Variants in FBXO34 observed in about 807,000 individuals in gnomAD.
The protein encoded by FBXO34 is F-box only protein 34.
Under a neutral mutation model 24.5 loss-of-function variants are expected in FBXO34, and 12 were observed. The observed-to-expected ratio is 0.49, with a 90% CI of 0.31 to 0.79. The LOEUF (loss-of-function observed/expected upper bound fraction) is 0.79. Among genes scored for constraint, FBXO34 ranks in the 30% least tolerant of loss-of-function variants. The probability of loss-of-function intolerance (pLI) is 0.04; values close to 1 mark genes in which losing one functional copy is unlikely to be tolerated. For synonymous variants in FBXO34, 320 were observed against 311.9 expected (o/e 1.03, Z -0.27); for missense variants, 823 against 857.7 (o/e 0.96, Z 0.51).
At chr14:55,427,229 A>G in the FBXO34 span, among the ~76,000 whole-genome samples, 1 of 149,304 alleles carries the variant, frequency 6.7e-6, no homozygotes, top group Non-Finnish European at 1.5e-5. Context: ...AGGACTTTAT[A>G]GGGAGCTCAG....
chr14:55,432,150 G>A, the FBXO34 span, among the ~76,000 whole-genome samples: 11 of 151,628 alleles, frequency 7.3e-5, no homozygotes, highest in Non-Finnish European at 1.5e-4. Flanking sequence ...GCTCACGCCT[G>A]TAATCCCAGC....
At chr14:55,437,408 G>T in the FBXO34 span, among the ~76,000 whole-genome samples, 2 of 152,270 alleles carry the variant, frequency 1.3e-5, no homozygotes, top group Non-Finnish European at 2.9e-5. Flanking sequence ...AACCTGGGAG[G>T]CAGAGGTTGC....
chr14:55,306,334 C>T (rs1221687213), intron 1 of FBXO34, among the ~76,000 whole-genome samples: 1 of 152,212 alleles, frequency 6.6e-6, no homozygotes, highest in East Asian at 1.9e-4. Context: ...TTGTTGGCTT[C>T]ATTCAGTTTG....
downstream of FBXO34, chr14:55,369,995 C>T (rs992964691): frequency 7.1e-5 from 104 of 1,461,284 alleles, no homozygotes; most frequent in Non-Finnish European, 9.1e-5. Context: ...TGCCATCTTC[C>T]TGAAGGCCCT....
chr14:55,294,064 A>G (rs1467082828), intron 1 of FBXO34, among the ~76,000 whole-genome samples: 1 of 152,156 alleles, frequency 6.6e-6, no homozygotes, highest in Non-Finnish European at 1.5e-5. Context: ...TTTCTCATCT[A>G]TCACCTTCTT....
At chr14:55,387,769 A>G in the FBXO34 span, among the ~76,000 whole-genome samples, 2 of 151,918 alleles carry the variant, frequency 1.3e-5, no homozygotes, top group Admixed American at 6.6e-5. Flanking sequence ...CCCGGGTTCA[A>G]TTGATTCTCC....
Position 55,351,498 on chromosome 14 carries a change from T to C in FBXO34, c.1108T>C (p.Ser370Pro). The C allele has an allele frequency of 6.2e-7, 1 of 1,614,106 alleles. No homozygotes were observed. The highest frequency in any genetic ancestry group is 1.3e-5 in the African/African-American group (1 of 75,000). The part of the protein sequence containing the change: ...PKEDQAWDGA[S>P]QDCPPLPAGV... ...GGAGGACCAGGCCTGGGACGGTGCT[T>C]CTCAGGACTGCCCCCCATTGCCAGC... The change falls in exon 2 of 2, where the codon TCT (serine) becomes CCT (proline). Residue 370 changes from serine (S) to proline (P), a missense_variant. This residue lies in a region of FBXO34 where 693 missense variants were observed against 659.1 expected (regional missense o/e 1.05). Transcript: ENST00000313833.
At position 55,350,418 on chromosome 14, in the gene FBXO34, C is replaced by T. The variant is rs770886039; in HGVS notation, c.28C>T (p.Gln10Ter). Reference sequence around the variant, plus strand: ...GCACCTAAAGCCATATTGGAAGCTCCAGAAGAAAGAGCACCCCCCGGAAGT... The same window carrying T: ...GCACCTAAAGCCATATTGGAAGCTCTAGAAGAAAGAGCACCCCCCGGAAGT... The part of the protein sequence containing the change: MHLKPYWKL[Q>*]KKEHPPEVSR... Residue 10 changes from glutamine (Q) to a stop codon, truncating the protein, a stop_gained, in exon 2 of 2, where the codon CAG (glutamine) becomes TAG (stop). Transcript: ENST00000313833. LOFTEE classifies it low-confidence loss of function (END_TRUNC). The T allele has an allele frequency of 5.0e-6, 8 of 1,594,392 alleles. No homozygotes were observed. In the South Asian group the frequency reaches 7.9e-5, roughly 16 times the overall value.
the FBXO34 span, among the ~76,000 whole-genome samples, chr14:55,427,495 C>A: frequency 6.6e-6 from 1 of 152,120 alleles, no homozygotes; most frequent in African/African-American, 2.4e-5. Flanking sequence ...ACTCTATTGA[C>A]GGGATAATCA....
At chr14:55,440,477 G>C in the FBXO34 span, 77 of 1,612,630 alleles carry the variant, frequency 4.8e-5, no homozygotes, top group Admixed American at 2.3e-4. Flanking sequence ...TTGGGGGTGG[G>C]GGCGGGTAAG....
chr14:55,345,214 C>G (rs751604609), intron 1 of FBXO34, among the ~76,000 whole-genome samples: 5 of 152,158 alleles, frequency 3.3e-5, no homozygotes, highest in Non-Finnish European at 7.4e-5. Flanking sequence ...CATCACTCTT[C>G]ATGTAGTTGC....
chr14:55,385,288 G>GGT, the FBXO34 span, among the ~76,000 whole-genome samples: 1 of 151,926 alleles, frequency 6.6e-6, no homozygotes, highest in Non-Finnish European at 1.5e-5. Context: ...ATGGTTCTCT[G>GGT]GTTTTTTTTT....
chr14:55,434,271 TG>T, the FBXO34 span, among the ~76,000 whole-genome samples: 1 of 152,192 alleles, frequency 6.6e-6, no homozygotes, highest in Admixed American at 6.5e-5. Context: ...TCAAGGTTCT[TG>T]CCTCTTATAG....
the FBXO34 span, among the ~76,000 whole-genome samples, chr14:55,385,289 GTTTTT>G: frequency 6.6e-6 from 1 of 151,212 alleles, no homozygotes; most frequent in Admixed American, 6.6e-5. Context: ...TGGTTCTCTG[GTTTTT>G]TTTTGTTTGT....
the FBXO34 span, among the ~76,000 whole-genome samples, chr14:55,400,909 T>TAAATA: frequency 0.066 from 9,414 of 143,280 alleles, 432 homozygotes; most frequent in East Asian, 0.14. Context: ...CTCAAATAAA[T>TAAATA]AAATAAAATA....
At chr14:55,431,296 G>A in the FBXO34 span, among the ~76,000 whole-genome samples, 1 of 152,164 alleles carries the variant, frequency 6.6e-6, no homozygotes, top group Admixed American at 6.5e-5. Flanking sequence ...TTCACTATCA[G>A]ATTTTAGGAA....
At chr14:55,437,501 A>G in the FBXO34 span, among the ~76,000 whole-genome samples, 3 of 152,240 alleles carry the variant, frequency 2.0e-5, no homozygotes, top group African/African-American at 7.2e-5. Context: ...TTACAGTTAC[A>G]GCACACTTAA....
the FBXO34 span, among the ~76,000 whole-genome samples, chr14:55,415,831 A>G: frequency 6.6e-6 from 1 of 152,074 alleles, no homozygotes; most frequent in African/African-American, 2.4e-5. Context: ...GCACCATTAC[A>G]CTCCAGCCTG....
At position 55,351,339 on chromosome 14, in the gene FBXO34, C is replaced by T; in HGVS notation, c.949C>T (p.Leu317Phe). Residue 317 changes from leucine to phenylalanine, a missense_variant, in exon 2 of 2, where the codon CTT becomes TTT. Transcript: ENST00000313833. ...CCGTCGAAATGTGGGCAGAGTATTG[C>T]TTGCAAATAGCACTCAGGCTGATGA... ...SFRRNVGRVL[L>F]ANSTQADEGK... 1 of 1,614,210 alleles carries T rather than the reference C, an allele frequency of 6.2e-7. No homozygotes were observed. The highest frequency in any genetic ancestry group is 8.5e-7 in the Non-Finnish European group (1 of 1,180,036).
Sources: gnomAD v4.1 joint callset for allele counts (sites outside exome capture counted in the v4.1 genomes callset) on GRCh38, gnomAD v4.1.1 for gene constraint, gnomAD v4.1.1 regional missense constraint, MANE v1.5 for transcripts, NCBI Gene and HGNC (gene_info 2026-07-23, HGNC 2026-07-21) for gene names.